COL4A6: variants seen among roughly 807,000 people sequenced by gnomAD.
COL4A6 encodes the protein collagen type IV alpha 6 chain, also known as collagen alpha-6(IV) chain.
In COL4A6, 59 loss-of-function variants were observed where a neutral mutation model predicts 126.7. That is an observed-to-expected ratio of 0.47 (90% CI 0.38 to 0.58). The LOEUF is 0.58. COL4A6 is among the 20% of genes least tolerant of loss of function. The pLI, the probability that COL4A6 is intolerant of heterozygous loss-of-function variation, is 0.00. For synonymous variants in COL4A6, 547 were observed against 496.6 expected, an observed-to-expected ratio of 1.10 and a Z score of -1.35; for missense variants, 1,285 against 1,337.3, an observed-to-expected ratio of 0.96 and a Z score of 0.61.
chrX:108,325,680 A>G lies in COL4A6; in HGVS notation c.64-14852T>C, dbSNP rs758404983. ...CAAAACTTCTTAACAAAAATTCACAAAATCGAACCTAACAATATATAGAAA... is the reference window on the plus strand; with the variant it reads ...CAAAACTTCTTAACAAAAATTCACAGAATCGAACCTAACAATATATAGAAA... On this transcript the variant is annotated intron_variant, in intron 2 of 44. Transcript: ENST00000334504. 5.4e-5 allele frequency among the ~76,000 whole-genome samples: 6 copies of G among 111,586 alleles called. No homozygotes were observed. The East Asian group carries it at 1.4e-3, about 26-fold the overall frequency.
intron 9 of COL4A6, 86 bp downstream of exon 9, chrX:108,206,432 A>G: frequency 1.0e-6 from 1 of 1,004,475 alleles, no homozygotes; most frequent in Non-Finnish European, 1.4e-6. Flanking sequence ...GACCTAAATT[A>G]CACAGGTTTA....
intron 3 of COL4A6, among the ~76,000 whole-genome samples, chrX:108,250,847 G>A (rs1298113919): frequency 8.9e-6 from 1 of 112,184 alleles, no homozygotes; most frequent in East Asian, 2.8e-4. Flanking sequence ...GCAGAGCAAA[G>A]CAGTCCTGGC....
intron 37 of COL4A6, among the ~76,000 whole-genome samples, chrX:108,169,198 A>G (rs943791200): frequency 7.2e-5 from 8 of 111,745 alleles, no homozygotes; most frequent in Non-Finnish European, 1.1e-4. Context: ...CAGGACCAAT[A>G]ATTGCAAGCT....
chrX:108,198,030 G>A (rs1451147516), intron 13 of COL4A6, among the ~76,000 whole-genome samples: 2 of 111,510 alleles, frequency 1.8e-5, no homozygotes, highest in African/African-American at 6.5e-5. Context: ...GGCTTCTGAG[G>A]TCAAACGCTT....
intron 2 of COL4A6, among the ~76,000 whole-genome samples, chrX:108,312,031 C>A (rs1299411486): frequency 1.8e-5 from 2 of 112,320 alleles, no homozygotes; most frequent in East Asian, 5.5e-4. Flanking sequence ...CCATTCTGAC[C>A]ATATCCACCT....
chrX:108,419,228 A>C (rs2041487265), intron 2 of COL4A6, among the ~76,000 whole-genome samples: 1 of 112,403 alleles, frequency 8.9e-6, no homozygotes, highest in Admixed American at 9.5e-5. Context: ...ATTGCCTGAC[A>C]TTCTAAATAC....
At position 108,188,684 on chromosome X, in the gene COL4A6, G is replaced by A; in HGVS notation, c.1427-7C>T. ...GCACAGAAACCTGAGTCTCCTGGGAGAAAAAGACAACATAGAACGAAGTGG... is the reference window on the plus strand; with the variant it reads ...GCACAGAAACCTGAGTCTCCTGGGAAAAAAAGACAACATAGAACGAAGTGG... On this transcript the variant is annotated splice_region_variant and splice_polypyrimidine_tract_variant and intron_variant, in intron 20 of 44. Coordinates refer to ENST00000334504, the MANE Select transcript of COL4A6 (RefSeq NM_033641.4). The A allele has an allele frequency of 8.8e-7, 1 of 1,140,800 alleles. No homozygotes were observed. Among genetic ancestry groups the A allele is most frequent in the Non-Finnish European group, 1.2e-6 (1 of 861,046 alleles). The allele number at this position is 1,140,800 out of a possible 1,213,427, so 94.0% of individuals were successfully genotyped here.
At chrX:108,258,407 G>A (rs759132716) in intron 3 of COL4A6, among the ~76,000 whole-genome samples, 1 of 111,761 alleles carries the variant, frequency 8.9e-6, no homozygotes, top group South Asian at 3.7e-4. Context: ...GCTAAAGAGT[G>A]AGTCTTCCAG....
chrX:108,244,258 A>G (rs2036656423), intron 3 of COL4A6, among the ~76,000 whole-genome samples: 1 of 111,378 alleles, frequency 9.0e-6, no homozygotes, highest in African/African-American at 3.3e-5. Context: ...AGTTCTTGAA[A>G]TCAACATTGA....
At chrX:108,351,281 G>T (rs767519574) in intron 2 of COL4A6, among the ~76,000 whole-genome samples, 1 of 111,415 alleles carries the variant, frequency 9.0e-6, no homozygotes, top group East Asian at 2.8e-4. Flanking sequence ...TCTTGGGGTT[G>T]GGGGGTGGAA....
At chrX:108,354,369 A>C (rs765970631) in intron 2 of COL4A6, among the ~76,000 whole-genome samples, 1 of 111,595 alleles carries the variant, frequency 9.0e-6, no homozygotes, top group Non-Finnish European at 1.9e-5. Context: ...CATGGTGCTC[A>C]GTACATTTCT....
intron 2 of COL4A6, among the ~76,000 whole-genome samples, chrX:108,402,221 A>G (rs1048009458): frequency 1.8e-5 from 2 of 111,637 alleles, no homozygotes; most frequent in African/African-American, 6.5e-5. Context: ...GTATAACTTT[A>G]ACTACAGAAT....
At chrX:108,362,450 G>A (rs2040108892) in intron 2 of COL4A6, among the ~76,000 whole-genome samples, 1 of 111,863 alleles carries the variant, frequency 8.9e-6, no homozygotes, top group African/African-American at 3.3e-5. Context: ...TGTAAAGGTC[G>A]CCTAGTCCAC....
Position 108,176,858 on chromosome X carries a change from G to T in COL4A6, c.2669C>A (p.Ala890Asp). Reference protein sequence around the residue: ...PGSPGVAGLPALSGPKGEKGS... With the variant: ...PGSPGVAGLPDLSGPKGEKGS... Reference sequence around the variant, plus strand: ...TCACTTACCCTTGGGTCCAGAGAGGGCTGGCAACCCAGCGACCCCTGGAGA... The same window carrying T: ...TCACTTACCCTTGGGTCCAGAGAGGTCTGGCAACCCAGCGACCCCTGGAGA... The change falls in exon 28 of 45, where the codon GCC (alanine) becomes GAC (aspartate). Residue 890 changes from alanine to aspartate, a missense_variant. Physicochemically the swap from Ala to Asp is moderately radical, Grantham distance 126. Coordinates refer to ENST00000334504, the MANE Select transcript of COL4A6 (RefSeq NM_033641.4). 2.5e-6 allele frequency: 3 copies of T among 1,208,617 alleles called. No homozygotes were observed. In the South Asian group the frequency reaches 5.3e-5, roughly 21 times the overall value.
intron 2 of COL4A6, among the ~76,000 whole-genome samples, chrX:108,435,778 A>C (rs954185944): frequency 8.9e-6 from 1 of 112,315 alleles, no homozygotes; most frequent in Non-Finnish European, 1.9e-5. Context: ...AATGCTTGCC[A>C]ATATTATTGG....
chrX:108,181,359 A>C (rs987381144), intron 23 of COL4A6, among the ~76,000 whole-genome samples: 4 of 112,449 alleles, frequency 3.6e-5, no homozygotes, highest in African/African-American at 1.3e-4. Flanking sequence ...GTTGGGGGTT[A>C]GTCCTAAGGG....
intron 2 of COL4A6, among the ~76,000 whole-genome samples, chrX:108,393,210 C>T (rs1335753027): frequency 9.0e-6 from 1 of 111,198 alleles, no homozygotes; most frequent in Non-Finnish European, 1.9e-5. Context: ...TCATAATAGC[C>T]AAAAAGTGAA....
At chrX:108,422,169 A>G (rs1052127827) in intron 2 of COL4A6, among the ~76,000 whole-genome samples, 1 of 111,182 alleles carries the variant, frequency 9.0e-6, no homozygotes, top group African/African-American at 3.3e-5. Flanking sequence ...TGAGCCCAGG[A>G]GTTCCCAGCT....
chrX:108,176,334 C>T (rs1007185934), intron 28 of COL4A6, among the ~76,000 whole-genome samples: 6 of 103,284 alleles, frequency 5.8e-5, no homozygotes, highest in African/African-American at 1.7e-4. Flanking sequence ...AAAATTGGGC[C>T]CCTCTCTTAT....
Sources: allele counts gnomAD v4.1 joint callset (sites outside exome capture counted in the v4.1 genomes callset), GRCh38; gene constraint gnomAD v4.1.1; transcripts MANE v1.5; gene names NCBI Gene and HGNC (gene_info 2026-07-23, HGNC 2026-07-21).